Variants in NBEA observed in about 807,000 individuals in gnomAD.
NBEA encodes the protein neurobeachin, also known as lysosomal-trafficking regulator 2.
In NBEA, 44 loss-of-function variants were observed where a neutral mutation model predicts 343.4. The ratio of observed to expected loss-of-function variants is 0.13; its 90% CI spans 0.10 to 0.16. The LOEUF (loss-of-function observed/expected upper bound fraction) is 0.16. Ranked by LOEUF, NBEA falls within the 10% of genes least tolerant of loss-of-function variation. NBEA has a pLI of 1.00. For missense variants in NBEA, 2,555 were observed against 3,631.3 expected (o/e 0.70, Z 7.62); for synonymous variants, 1,175 against 1,238.7 (o/e 0.95, Z 1.08).
At chr13:34,974,783 A>G (rs1305639920) in intron 1 of NBEA, among the ~76,000 whole-genome samples, 1 of 152,200 alleles carries the variant, frequency 6.6e-6, no homozygotes, top group Non-Finnish European at 1.5e-5. Flanking sequence ...ACAAATGGCA[A>G]GTACTTAAAT....
chr13:35,161,020 T>A (rs1348575975), intron 22 of NBEA, among the ~76,000 whole-genome samples: 1 of 152,192 alleles, frequency 6.6e-6, no homozygotes, highest in Non-Finnish European at 1.5e-5. Context: ...TAAGAATCCT[T>A]CATAATATAT....
chr13:35,567,194 G>A (rs774553468), intron 45 of NBEA, among the ~76,000 whole-genome samples, 177 bp downstream of exon 45: 14 of 152,180 alleles, frequency 9.2e-5, no homozygotes, highest in Non-Finnish European at 1.6e-4. Context: ...GCTACAAGAA[G>A]ATAAACTAGT....
intron 40 of NBEA, among the ~76,000 whole-genome samples, chr13:35,460,552 A>G (rs938842436): frequency 6.6e-6 from 1 of 152,100 alleles, no homozygotes; most frequent in African/African-American, 2.4e-5. Flanking sequence ...GCCTCTTTTC[A>G]TTATTTTCAA....
chr13:35,579,525 A>C (rs1387123317), intron 45 of NBEA, among the ~76,000 whole-genome samples: 1 of 152,150 alleles, frequency 6.6e-6, no homozygotes, highest in Non-Finnish European at 1.5e-5. Flanking sequence ...GAAACAGCAA[A>C]ATGAAACTAA....
intron 35 of NBEA, among the ~76,000 whole-genome samples, chr13:35,299,752 A>T (rs1022114634): frequency 6.6e-6 from 1 of 152,220 alleles, no homozygotes; most frequent in Admixed American, 6.5e-5. Flanking sequence ...AAATGGCAAA[A>T]AATTCTGGAA....
chr13:35,373,602 G>A (rs1291928101), intron 38 of NBEA, among the ~76,000 whole-genome samples: 1 of 151,848 alleles, frequency 6.6e-6, no homozygotes, highest in Non-Finnish European at 1.5e-5. Flanking sequence ...CTATTCAGGA[G>A]GCTGAGGTGG....
At chr13:35,068,999 C>G (rs1471404192) in intron 8 of NBEA, among the ~76,000 whole-genome samples, 1 of 151,974 alleles carries the variant, frequency 6.6e-6, no homozygotes, top group Non-Finnish European at 1.5e-5. Flanking sequence ...AACCTTATAA[C>G]ATTAGAGTAA....
In NBEA at chr13:35,381,903, T is replaced by G. The variant is rs201932890; in HGVS notation, c.6179+29580T>G. 4.1e-4 allele frequency among the ~76,000 whole-genome samples: 62 copies of G among 152,292 alleles called. 1 individual carries two copies. In the East Asian group the frequency reaches 0.011, roughly 27 times the overall value. On this transcript the variant is annotated intron_variant, in intron 38 of 58. Transcript: ENST00000379939. Reference sequence around the variant, plus strand: ...TTTATACTCATAAAAATAATTTGTTTATTGTCCATTTTTAATTATCTTCTT... The same window carrying G: ...TTTATACTCATAAAAATAATTTGTTGATTGTCCATTTTTAATTATCTTCTT...
chr13:34,989,674 C>A (rs1329660522), intron 1 of NBEA, among the ~76,000 whole-genome samples: 1 of 150,738 alleles, frequency 6.6e-6, no homozygotes, highest in Non-Finnish European at 1.5e-5. Context: ...CTAGCCCTCC[C>A]AAATCTCATG....
At chr13:35,606,654 T>C (rs2082292885) in intron 48 of NBEA, 76 bp downstream of exon 48, 1 of 1,194,108 alleles carries the variant, frequency 8.4e-7, no homozygotes, top group Admixed American at 2.8e-5. Context: ...TGTCCTGTTC[T>C]TTACTATAAT....
At chr13:35,203,525 A>T (rs575698450) in intron 31 of NBEA, among the ~76,000 whole-genome samples, 2 of 152,284 alleles carry the variant, frequency 1.3e-5, no homozygotes, top group African/African-American at 4.8e-5. Context: ...TATTTGCTAT[A>T]TCTCTGTATT....
rs895410614 is a variant in NBEA, at chr13:35,057,443, G to GT, written c.1093-1268dup. Among the ~76,000 whole-genome samples, 5 of 152,078 alleles carry GT rather than the reference G, an allele frequency of 3.3e-5. No individual in the cohort carries two copies. In the East Asian group the frequency reaches 9.7e-4, roughly 29 times the overall value. ...AATTTTTAAAGGTTTTTGTTTTTTT[G>GT]TTTTTTAAGAGACGCAAACAAAATC... On this transcript the variant is annotated intron_variant, in intron 7 of 58. Transcript: ENST00000379939.
intron 10 of NBEA, among the ~76,000 whole-genome samples, chr13:35,086,703 G>A (rs1218752738): frequency 6.6e-6 from 1 of 151,890 alleles, no homozygotes; most frequent in Non-Finnish European, 1.5e-5. Flanking sequence ...TCGAATGGTA[G>A]TTCTATTTTA....
intron 16 of NBEA, among the ~76,000 whole-genome samples, chr13:35,120,311 C>G (rs1288570118): frequency 6.6e-6 from 1 of 152,122 alleles, no homozygotes; most frequent in Non-Finnish European, 1.5e-5. Flanking sequence ...GCCTTGTGCT[C>G]ATGGCTGACC....
chr13:34,990,235 C>G (rs532524378), intron 1 of NBEA, among the ~76,000 whole-genome samples: 1 of 151,130 alleles, frequency 6.6e-6, no homozygotes. Context: ...AGTGGGGACT[C>G]TTTGTGGGGG....
At chr13:35,346,300 G>A (rs1206871369) in intron 36 of NBEA, among the ~76,000 whole-genome samples, 4 of 152,020 alleles carry the variant, frequency 2.6e-5, no homozygotes, top group Non-Finnish European at 4.4e-5. Flanking sequence ...GCTTTCTTCA[G>A]CCTTCAGCAT....
In NBEA at chr13:35,554,976, T is replaced by C; in HGVS notation, c.6807-11T>C. ...AGAGACTATGTTTGTTATGCTGTGC[T>C]TAATTGCTAGGAGGATATCATTGGC... On this transcript the variant is annotated splice_polypyrimidine_tract_variant and intron_variant, in intron 43 of 58. Coordinates refer to ENST00000379939, the MANE Select transcript of NBEA (RefSeq NM_001385012.1). 2 of 1,472,306 alleles carry C rather than the reference T, an allele frequency of 1.4e-6. No individual in the cohort carries two copies. The highest frequency in any genetic ancestry group is 1.2e-5 in the South Asian group (1 of 85,376). The allele number at this position is 1,472,306 out of a possible 1,614,324, so 91.2% of individuals were successfully genotyped here.
intron 1 of NBEA, among the ~76,000 whole-genome samples, chr13:35,002,765 C>G (rs142101500): frequency 5.2e-4 from 79 of 152,214 alleles, no homozygotes; most frequent in African/African-American, 1.7e-3. Context: ...GTATACAAAT[C>G]TGTTTCGGGA....
At chr13:35,126,740 A>T (rs2152681309) in intron 17 of NBEA, among the ~76,000 whole-genome samples, 1 of 152,174 alleles carries the variant, frequency 6.6e-6, no homozygotes, top group East Asian at 1.9e-4. Flanking sequence ...CAACATGGTG[A>T]AACACCATCT....
Sources: gnomAD v4.1 joint callset for allele counts (sites outside exome capture counted in the v4.1 genomes callset) on GRCh38, gnomAD v4.1.1 for gene constraint, MANE v1.5 for transcripts, NCBI Gene and HGNC (gene_info 2026-07-23, HGNC 2026-07-21) for gene names.